Variants in FRMD3 observed in about 807,000 individuals in gnomAD.
The protein encoded by FRMD3 is FERM domain-containing protein 3.
FRMD3 carries 33 observed loss-of-function variants against 70.2 expected under a neutral mutation model. That is an observed-to-expected ratio of 0.47 (90% CI 0.36 to 0.63). The LOEUF is 0.63. FRMD3 is among the 20% of genes least tolerant of loss of function. The pLI is 0.00. For synonymous variants in FRMD3, 279 were observed against 255.9 expected (o/e 1.09, Z -0.86); for missense variants, 632 against 711.4 (o/e 0.89, Z 1.27).
upstream of FRMD3, among the ~76,000 whole-genome samples, chr9:83,540,860 C>T (rs534181986): frequency 2.2e-4 from 33 of 152,348 alleles, no homozygotes; most frequent in East Asian, 6.0e-3. Context: ...AAACCAAATT[C>T]ACAATTTCAT....
At chr9:83,266,146 A>C (rs1587647363) in intron 13 of FRMD3, among the ~76,000 whole-genome samples, 2 of 152,316 alleles carry the variant, frequency 1.3e-5, no homozygotes, top group East Asian at 3.9e-4. Flanking sequence ...TAAAAAAAAA[A>C]AATCCTATAT....
At position 83,378,577 on chromosome 9, in the gene FRMD3, A is replaced by G. The variant is rs911364984; in HGVS notation, c.253-5622T>C. Among the ~76,000 whole-genome samples, 3 of 130,188 alleles carry G rather than the reference A, an allele frequency of 2.3e-5. 1 individual carries two copies. Among genetic ancestry groups the G allele is most frequent in the African/African-American group, 8.7e-5 (3 of 34,442 alleles). The allele number at this position is 130,188 out of a possible 152,430, so 85.4% of individuals were successfully genotyped here. On this transcript the variant is annotated intron_variant, in intron 2 of 13. Coordinates refer to ENST00000304195, the MANE Select transcript of FRMD3 (RefSeq NM_174938.6). ...ATTTATATATATAAAATATACATAT[A>G]AAATTTATATATACAATATACATAT...
the FRMD3 span, among the ~76,000 whole-genome samples, chr9:83,581,969 C>T: frequency 5.9e-5 from 9 of 152,294 alleles, 1 homozygote; most frequent in South Asian, 1.9e-3. Flanking sequence ...GGCAGCGATG[C>T]TTGCGTAACT....
At chr9:83,542,385 G>A, upstream of FRMD3, among the ~76,000 whole-genome samples, 1 of 152,058 alleles carries the variant, frequency 6.6e-6, no homozygotes, top group Admixed American at 6.5e-5. Context: ...AAATATTTAG[G>A]TATAAATCTA....
At chr9:83,292,299 C>A (rs557072632) in intron 12 of FRMD3, among the ~76,000 whole-genome samples, 119 of 151,714 alleles carry the variant, frequency 7.8e-4, no homozygotes, top group Non-Finnish European at 1.4e-3. Flanking sequence ...GCTGGGATTA[C>A]AGGTGTGTGC....
intron 1 of FRMD3, among the ~76,000 whole-genome samples, chr9:83,506,671 T>A (rs1829189268): frequency 1.3e-5 from 2 of 152,226 alleles, no homozygotes; most frequent in Non-Finnish European, 2.9e-5. Context: ...GTAGACTTTA[T>A]AAACACTGTA....
At position 83,362,802 on chromosome 9, in the gene FRMD3, T is replaced by TCC. The variant is rs1458669711; in HGVS notation, c.295+10110_295+10111insGG. On this transcript the variant is annotated intron_variant, in intron 3 of 13. Transcript: ENST00000304195. ...TTATTTCCTTCCCTCCTTCCTTCCT[T>TCC]TTTCCTTCCTTCCCTCCCTCCTTCC... 1.6e-3 allele frequency among the ~76,000 whole-genome samples: 166 copies of TCC among 101,250 alleles called. 3 individuals carry two copies. Among genetic ancestry groups the TCC allele is most frequent in the Middle Eastern group, 4.9e-3 (1 of 206 alleles). 66.4% of individuals were successfully genotyped at this position (101,250 alleles called of 152,430 possible).
At chr9:83,362,714 T>C (rs1444454681) in intron 3 of FRMD3, among the ~76,000 whole-genome samples, 5 of 152,198 alleles carry the variant, frequency 3.3e-5, no homozygotes. Context: ...AGAACATGCT[T>C]AATGCATATG....
In FRMD3 at chr9:83,520,218, T is replaced by TC. The variant is rs529363144; in HGVS notation, c.147+17866dup. 1.3e-3 allele frequency among the ~76,000 whole-genome samples: 195 copies of TC among 152,066 alleles called. 1 individual carries two copies. Among genetic ancestry groups the TC allele is most frequent in the African/African-American group, 4.5e-3 (185 of 41,464 alleles). On this transcript the variant is annotated intron_variant, in intron 1 of 13. Transcript: ENST00000304195. ...TGTGTCACTCACCAGGCTAATTCCT[T>TC]CCCCCCCTGGACTTCAGATGCTCCC...
intron 1 of FRMD3, among the ~76,000 whole-genome samples, chr9:83,394,060 A>G (rs971519088): frequency 6.6e-6 from 1 of 151,756 alleles, no homozygotes; most frequent in Non-Finnish European, 1.5e-5. Flanking sequence ...AAACTGTGCC[A>G]CCAGGCTTGG....
At chr9:83,278,685 C>T (rs1833870800) in intron 13 of FRMD3, among the ~76,000 whole-genome samples, 1 of 152,138 alleles carries the variant, frequency 6.6e-6, no homozygotes, top group Admixed American at 6.5e-5. Flanking sequence ...GACTGTCAAT[C>T]AGCAAGCAGG....
chr9:83,479,671 G>GAAAGAAA (rs1828497978), intron 1 of FRMD3, among the ~76,000 whole-genome samples: 2 of 29,990 alleles, frequency 6.7e-5, no homozygotes, highest in East Asian at 1.0e-3. Flanking sequence ...AAGGAAGGAA[G>GAAAGAAA]GAAAGAAAGA....
intron 13 of FRMD3, among the ~76,000 whole-genome samples, chr9:83,259,670 T>C (rs1832896465): frequency 6.6e-6 from 1 of 152,096 alleles, no homozygotes; most frequent in Non-Finnish European, 1.5e-5. Flanking sequence ...CATTACAAGG[T>C]TTTTGTTTTT....
In FRMD3 at chr9:83,519,911, C is replaced by T. The variant is rs558309364; in HGVS notation, c.147+18174G>A. ...CACACGAACAGAAAACCAAACACTG[C>T]ATGTTCTCACTCATAAGTGGGAGTT... On this transcript the variant is annotated intron_variant, in intron 1 of 13. Transcript: ENST00000304195. Among the ~76,000 whole-genome samples, 195 of 152,184 alleles carry T rather than the reference C, an allele frequency of 1.3e-3. 1 individual carries two copies. Among genetic ancestry groups the T allele is most frequent in the African/African-American group, 4.5e-3 (185 of 41,482 alleles).
rs868249073 is a variant in FRMD3, at chr9:83,463,907, C to A, written c.147+74178G>T. Among the ~76,000 whole-genome samples, 107 of 152,176 alleles carry A rather than the reference C, an allele frequency of 7.0e-4. 2 individuals are homozygous for A. Among genetic ancestry groups the A allele is most frequent in the Admixed American group, 2.7e-3 (41 of 15,272 alleles). ...AACATGTCATCTGACATGTAGACAC[C>A]TCTTCCTGGTCACTACATCTCATAA... On this transcript the variant is annotated intron_variant, in intron 1 of 13. Coordinates refer to ENST00000304195, the MANE Select transcript of FRMD3 (RefSeq NM_174938.6).
intron 1 of FRMD3, among the ~76,000 whole-genome samples, chr9:83,497,642 G>T (rs1183053048): frequency 1.3e-5 from 2 of 152,178 alleles, no homozygotes; most frequent in Non-Finnish European, 2.9e-5. Flanking sequence ...TGAGCAGAAG[G>T]GACTGTGTCA....
upstream of FRMD3, among the ~76,000 whole-genome samples, chr9:83,538,717 G>C (rs994225854): frequency 1.1e-4 from 16 of 152,206 alleles, no homozygotes; most frequent in Admixed American, 6.5e-5. The surrounding 1 kb of genome is among the most constrained non-coding windows in gnomAD (Gnocchi z 4.7). Context: ...CCTGGCCGCT[G>C]TCGCTCGGGC....
chr9:83,286,348 T>G (rs139974544), intron 13 of FRMD3, among the ~76,000 whole-genome samples: 1 of 125,404 alleles, frequency 8.0e-6, no homozygotes, highest in Non-Finnish European at 1.7e-5. Flanking sequence ...TTTTTTTTTT[T>G]GAGACAGAGT....
chr9:83,495,582 T>A (rs1828926568), intron 1 of FRMD3, among the ~76,000 whole-genome samples: 1 of 152,176 alleles, frequency 6.6e-6, no homozygotes, highest in Non-Finnish European at 1.5e-5. Context: ...TTAACAAAAA[T>A]GTCAACAGTG....
Sources: gnomAD v4.1 joint callset for allele counts (sites outside exome capture counted in the v4.1 genomes callset) on GRCh38, gnomAD v4.1.1 for gene constraint, Gnocchi (gnomAD v3.1) non-coding constraint, MANE v1.5 for transcripts, NCBI Gene and HGNC (gene_info 2026-07-23, HGNC 2026-07-21) for gene names.